Variants in NRXN3 observed in about 807,000 individuals in gnomAD.
NRXN3 encodes neurexin 3, also known as neurexin III.
A neutral mutation model predicts 137.6 loss-of-function variants in NRXN3; 32 were observed. That is an observed-to-expected ratio of 0.23 (90% CI 0.18 to 0.31). The LOEUF (loss-of-function observed/expected upper bound fraction) is 0.31, where lower values mean the gene tolerates loss of function less well. Among genes scored for constraint, NRXN3 ranks in the 10% least tolerant of loss-of-function variants. The pLI is 1.00. For synonymous variants in NRXN3, 798 were observed against 784.5 expected, an observed-to-expected ratio of 1.02 and a Z score of -0.29; for missense variants, 1,574 against 2,062.5, an observed-to-expected ratio of 0.76 and a Z score of 4.59.
intron 4 of NRXN3, among the ~76,000 whole-genome samples, chr14:78,363,607 C>T (rs2085460116): frequency 6.6e-6 from 1 of 152,140 alleles, no homozygotes; most frequent in Non-Finnish European, 1.5e-5. Flanking sequence ...CTTCCAAACC[C>T]ATTGCAGTGC....
intron 2 of NRXN3, among the ~76,000 whole-genome samples, chr14:78,271,715 T>G (rs1176303211): frequency 1.3e-5 from 2 of 152,172 alleles, no homozygotes; most frequent in Non-Finnish European, 1.5e-5. Context: ...GTGCCTGATA[T>G]AGCTGCTACT....
intron 4 of NRXN3, among the ~76,000 whole-genome samples, chr14:78,516,598 A>G (rs959009023): frequency 6.6e-6 from 1 of 151,930 alleles, no homozygotes; most frequent in African/African-American, 2.4e-5. Context: ...ACCGAGGTCA[A>G]CATCCATGCT....
chr14:79,385,204 T>TCCCCCCCCCCCCCCCCCCCCC (rs557799323), intron 15 of NRXN3, among the ~76,000 whole-genome samples: 1 of 90,504 alleles, frequency 1.1e-5, no homozygotes, highest in Non-Finnish European at 2.4e-5. Flanking sequence ...ATGCTATCCT[T>TCCCCCCCCCCCCCCCCCCCCC]CCCCCCGCCC....
intron 3 of NRXN3, among the ~76,000 whole-genome samples, chr14:78,288,749 C>G (rs142211765): frequency 9.1e-4 from 138 of 152,332 alleles, no homozygotes; most frequent in African/African-American, 3.3e-3. Flanking sequence ...GTCTCTCTGT[C>G]TTCCACAGCA....
intron 15 of NRXN3, among the ~76,000 whole-genome samples, chr14:79,405,720 TC>T (rs1209981140): frequency 2.6e-5 from 4 of 152,148 alleles, no homozygotes; most frequent in African/African-American, 9.7e-5. Context: ...TATGTCTTAG[TC>T]AACAGCCTGC....
rs184112988 is a variant in NRXN3, at chr14:79,359,546, G to C, written c.3263-107675G>C. ...ATTTCATTGGAGTTACTCTTTATCA[G>C]AGCAAACATCCGTAACATTTAGTCT... On this transcript the variant is annotated intron_variant, in intron 15 of 20. Transcript: ENST00000335750. Among the ~76,000 whole-genome samples, 287 of 149,678 alleles carry C rather than the reference G, an allele frequency of 1.9e-3. 1 individual carries two copies. Among genetic ancestry groups the C allele is most frequent in the African/African-American group, 6.6e-3 (269 of 40,774 alleles).
chr14:78,591,677 G>T (rs1186405996), intron 4 of NRXN3, among the ~76,000 whole-genome samples: 2 of 152,166 alleles, frequency 1.3e-5, no homozygotes, highest in African/African-American at 4.8e-5. Context: ...GTGCCCAGTG[G>T]TCATGTAACA....
intron 4 of NRXN3, among the ~76,000 whole-genome samples, chr14:78,530,323 T>C (rs1439228941): frequency 2.6e-5 from 4 of 152,226 alleles, no homozygotes; most frequent in African/African-American, 4.8e-5. Context: ...ACTACTCAGT[T>C]TGGGACAGGG....
intron 16 of NRXN3, among the ~76,000 whole-genome samples, chr14:79,468,288 C>T (rs1230753986): frequency 6.6e-6 from 1 of 152,176 alleles, no homozygotes; most frequent in Non-Finnish European, 1.5e-5. Context: ...CCCATTTTAT[C>T]ACCTGTGCAG....
At position 78,517,753 on chromosome 14, in the gene NRXN3, A is replaced by C. The variant is rs920735798; in HGVS notation, c.758-127367A>C. On this transcript the variant is annotated intron_variant, in intron 4 of 20. Transcript: ENST00000335750. The stretch of plus-strand genomic sequence containing the variant: ...ATAAAGAAAAGTACTCAGGACAATT[A>C]GATGGACTATCTAGACGTCAAAAAT... Among the ~76,000 whole-genome samples, 3 of 152,322 alleles carry C rather than the reference A, an allele frequency of 2.0e-5. No individual in the cohort carries two copies. In the East Asian group the frequency reaches 5.8e-4, roughly 29 times the overall value.
intron 10 of NRXN3, among the ~76,000 whole-genome samples, chr14:78,929,593 T>A (rs1391283171): frequency 6.6e-6 from 1 of 152,176 alleles, no homozygotes; most frequent in Non-Finnish European, 1.5e-5. Context: ...ATCAAGTCTA[T>A]CGTTAATGGG....
At chr14:78,902,508 G>A (rs2099199923) in intron 10 of NRXN3, among the ~76,000 whole-genome samples, 1 of 152,020 alleles carries the variant, frequency 6.6e-6, no homozygotes, top group Admixed American at 6.6e-5. Context: ...TGCTTGAGGA[G>A]AAATAAAAGC....
chr14:79,101,945 A>G (rs2051384523), intron 15 of NRXN3, among the ~76,000 whole-genome samples: 1 of 152,138 alleles, frequency 6.6e-6, no homozygotes, highest in Non-Finnish European at 1.5e-5. Context: ...ACAGGGAAAA[A>G]TGCCACGTGA....
At chr14:79,278,588 A>C (rs1324565550) in intron 15 of NRXN3, among the ~76,000 whole-genome samples, 1 of 152,164 alleles carries the variant, frequency 6.6e-6, no homozygotes, top group African/African-American at 2.4e-5. Context: ...CTTCTCTTTG[A>C]GCCAGCCGAC....
chr14:79,530,078 A>G (rs2097156178), intron 16 of NRXN3, among the ~76,000 whole-genome samples: 1 of 152,188 alleles, frequency 6.6e-6, no homozygotes, highest in Non-Finnish European at 1.5e-5. Flanking sequence ...CATCTTGAAC[A>G]TACCTTAAAA....
intron 15 of NRXN3, among the ~76,000 whole-genome samples, chr14:79,069,436 C>G (rs1024465321): frequency 1.3e-5 from 2 of 152,004 alleles, no homozygotes; most frequent in African/African-American, 4.8e-5. Flanking sequence ...GAATTTTCTT[C>G]CAGGCATGAG....
chr14:79,068,006 A>G (rs1414372950), intron 15 of NRXN3, among the ~76,000 whole-genome samples: 1 of 152,020 alleles, frequency 6.6e-6, no homozygotes, highest in Non-Finnish European at 1.5e-5. Flanking sequence ...GGATCACTCA[A>G]ATGTGATCCA....
At chr14:78,275,028 A>C (rs1247864248) in intron 2 of NRXN3, among the ~76,000 whole-genome samples, 1 of 152,180 alleles carries the variant, frequency 6.6e-6, no homozygotes, top group Non-Finnish European at 1.5e-5. Context: ...GATCTTTTGC[A>C]TTTGCTATTC....
chr14:79,100,877 T>G lies in NRXN3; in HGVS notation c.3262+112736T>G, dbSNP rs373769381. On this transcript the variant is annotated intron_variant, in intron 15 of 20. Transcript: ENST00000335750. ...CATTAACCCACAGGTTGTTTCTTGCTCCCAGGGATCATTCTTTTTGGTCCA... is the reference window on the plus strand; with the variant it reads ...CATTAACCCACAGGTTGTTTCTTGCGCCCAGGGATCATTCTTTTTGGTCCA... Among the ~76,000 whole-genome samples, 7 of 152,260 alleles carry G rather than the reference T, an allele frequency of 4.6e-5. 1 individual carries two copies. The highest frequency in any genetic ancestry group is 1.7e-4 in the African/African-American group (7 of 41,550).
Sources: gnomAD v4.1 joint callset for allele counts (sites outside exome capture counted in the v4.1 genomes callset) on GRCh38, gnomAD v4.1.1 for gene constraint, MANE v1.5 for transcripts, NCBI Gene and HGNC (gene_info 2026-07-23, HGNC 2026-07-21) for gene names.